The following KSR2 variants were observed in gnomAD, a reference collection of about 807,000 sequenced individuals.
The protein encoded by KSR2 is kinase suppressor of ras 2.
A neutral mutation model predicts 107.8 loss-of-function variants in KSR2; 25 were observed. The observed-to-expected ratio is 0.23, with a 90% CI of 0.17 to 0.32. KSR2 has a LOEUF of 0.32. Among genes scored for constraint, KSR2 ranks in the 10% least tolerant of loss-of-function variants. The pLI, the probability that KSR2 is intolerant of heterozygous loss-of-function variation, is 1.00. For synonymous variants in KSR2, 480 were observed against 507.0 expected (o/e 0.95, Z 0.71); for missense variants, 887 against 1,268.9 (o/e 0.70, Z 4.57).
At chr12:117,527,035 C>G (rs1166288175) in intron 13 of KSR2, 36 bp downstream of exon 13, 1 of 1,602,984 alleles carries the variant, frequency 6.2e-7, no homozygotes, top group Admixed American at 1.7e-5. Flanking sequence ...TGGGCAGTCC[C>G]TGGAAAATGT....
intron 1 of KSR2, among the ~76,000 whole-genome samples, chr12:117,925,371 A>G (rs2137475493): frequency 6.6e-6 from 1 of 152,148 alleles, no homozygotes; most frequent in South Asian, 2.1e-4. Flanking sequence ...CAGTCCGCCC[A>G]CCTCAGCCTC....
At chr12:117,853,007 T>A (rs962898130) in intron 3 of KSR2, among the ~76,000 whole-genome samples, 2 of 152,158 alleles carry the variant, frequency 1.3e-5, no homozygotes, top group African/African-American at 4.8e-5. Context: ...TTCACTATGT[T>A]GGTCAGGCTG....
At chr12:117,864,172 G>C (rs1445820100) in intron 1 of KSR2, among the ~76,000 whole-genome samples, 1 of 152,130 alleles carries the variant, frequency 6.6e-6, no homozygotes, top group African/African-American at 2.4e-5. Flanking sequence ...GCAGAGGTCA[G>C]GGCCCCATGA....
intron 1 of KSR2, chr12:117,889,879 C>T (rs1330729027): frequency 6.6e-6 from 1 of 152,196 alleles, no homozygotes; most frequent in African/African-American, 2.4e-5. Flanking sequence ...ATACACAGGA[C>T]AGATCCCACA....
At chr12:117,894,160 C>T (rs1010880144) in intron 1 of KSR2, among the ~76,000 whole-genome samples, 4 of 152,104 alleles carry the variant, frequency 2.6e-5, no homozygotes, top group Admixed American at 2.0e-4. Context: ...CCACCCGCCT[C>T]GGCCTCCCAA....
chr12:117,513,083 G>A (rs1488154739), intron 14 of KSR2, among the ~76,000 whole-genome samples: 2 of 152,040 alleles, frequency 1.3e-5, no homozygotes, highest in African/African-American at 4.8e-5. Context: ...TGGGGATACT[G>A]AGTCATTCTG....
At chr12:117,712,947 T>C (rs1255751048) in intron 4 of KSR2, among the ~76,000 whole-genome samples, 5 of 151,730 alleles carry the variant, frequency 3.3e-5, no homozygotes, top group Non-Finnish European at 7.4e-5. Context: ...CTCATCCTTT[T>C]CTCATTCATC....
At chr12:117,958,117 G>A (rs1467092195) in intron 1 of KSR2, among the ~76,000 whole-genome samples, 2 of 152,102 alleles carry the variant, frequency 1.3e-5, no homozygotes, top group Admixed American at 6.6e-5. Context: ...ACAGGCGTGA[G>A]CCACTGCACC....
chr12:117,733,710 G>A (rs1043740487), intron 4 of KSR2, among the ~76,000 whole-genome samples: 1 of 152,014 alleles, frequency 6.6e-6, no homozygotes, highest in Non-Finnish European at 1.5e-5. Context: ...TTAGGTGCCC[G>A]AATCTTACTT....
chr12:117,530,868 G>A, intron 12 of KSR2, 73 bp downstream of exon 12: 1 of 1,305,236 alleles, frequency 7.7e-7, no homozygotes, highest in Non-Finnish European at 1.1e-6. Flanking sequence ...AAAGAAGATA[G>A]GGAACCTGAG....
At chr12:117,654,449 A>G (rs752031641) in intron 5 of KSR2, among the ~76,000 whole-genome samples, 3 of 152,172 alleles carry the variant, frequency 2.0e-5, no homozygotes, top group Non-Finnish European at 4.4e-5. Context: ...GGTTCTGCAC[A>G]ATACGCGGGC....
chr12:117,793,231 C>A (rs1329211943), intron 3 of KSR2, among the ~76,000 whole-genome samples: 1 of 139,838 alleles, frequency 7.2e-6, no homozygotes, highest in Non-Finnish European at 1.5e-5. Context: ...CACCAACATG[C>A]ACACACACCA....
chr12:117,793,380 C>T (rs1192370598), intron 3 of KSR2, among the ~76,000 whole-genome samples: 1 of 148,148 alleles, frequency 6.8e-6, no homozygotes, highest in Non-Finnish European at 1.5e-5. Flanking sequence ...TGCACACACA[C>T]CACTGTGCAC....
Position 117,883,957 on chromosome 12 carries a change from A to G in KSR2, c.181-23526T>C, listed in dbSNP as rs571051650. 3.9e-5 allele frequency among the ~76,000 whole-genome samples: 6 copies of G among 152,090 alleles called. No individual in the cohort carries two copies. In the East Asian group the frequency reaches 1.2e-3, roughly 29 times the overall value. On this transcript the variant is annotated intron_variant, in intron 1 of 19. Transcript: ENST00000339824. ...CAAGTAGAACCTACTACAGTCACGGAAAGCAGGTGAATTTCATTCCTATGC... is the reference window on the plus strand; with the variant it reads ...CAAGTAGAACCTACTACAGTCACGGGAAGCAGGTGAATTTCATTCCTATGC...
intron 1 of KSR2, among the ~76,000 whole-genome samples, chr12:117,902,271 C>T (rs528264876): frequency 6.6e-5 from 10 of 152,134 alleles, no homozygotes; most frequent in South Asian, 6.2e-4. Flanking sequence ...CCAGCCTGGC[C>T]AACATGGTGA....
At chr12:117,792,699 T>G (rs1340157428) in intron 3 of KSR2, among the ~76,000 whole-genome samples, 1 of 152,252 alleles carries the variant, frequency 6.6e-6, no homozygotes, top group Non-Finnish European at 1.5e-5. Context: ...TCTTGACTGC[T>G]GGTTGGCTGC....
chr12:117,696,164 G>A (rs542264076), intron 4 of KSR2, among the ~76,000 whole-genome samples: 30 of 152,144 alleles, frequency 2.0e-4, no homozygotes, highest in East Asian at 1.5e-3. Context: ...ATAAAACTCC[G>A]GCCCACTGAA....
chr12:117,584,751 A>G (rs4414314), intron 5 of KSR2, among the ~76,000 whole-genome samples: 60,478 of 152,114 alleles, frequency 0.4, 13,703 homozygotes, highest in East Asian at 0.56. Flanking sequence ...CATCAAGTTT[A>G]TTGATTACTC....
At chr12:117,745,869 T>C (rs1565992951) in intron 4 of KSR2, among the ~76,000 whole-genome samples, 1 of 152,072 alleles carries the variant, frequency 6.6e-6, no homozygotes. Flanking sequence ...GAATACAACT[T>C]ACAAGGGATG....
Sources: gnomAD v4.1 joint callset for allele counts (sites outside exome capture counted in the v4.1 genomes callset) on GRCh38, gnomAD v4.1.1 for gene constraint, MANE v1.5 for transcripts, NCBI Gene and HGNC (gene_info 2026-07-23, HGNC 2026-07-21) for gene names.